Variants in EVI5 observed in about 807,000 individuals in gnomAD.
EVI5 encodes ecotropic viral integration site 5 protein homolog.
Under a neutral mutation model 112.0 loss-of-function variants are expected in EVI5, and 73 were observed. The ratio of observed to expected loss-of-function variants is 0.65; its 90% CI spans 0.54 to 0.79. EVI5 has a LOEUF of 0.79. Among genes scored for constraint, EVI5 ranks in the 30% least tolerant of loss-of-function variants. The pLI, the probability that EVI5 is intolerant of heterozygous loss-of-function variation, is 0.00. For missense variants in EVI5, 900 were observed against 968.8 expected, an observed-to-expected ratio of 0.93 and a Z score of 0.94; for synonymous variants, 305 against 319.9, an observed-to-expected ratio of 0.95 and a Z score of 0.50.
intron 10 of EVI5, among the ~76,000 whole-genome samples, chr1:92,675,012 A>G (rs180820065): frequency 2.8e-4 from 43 of 152,364 alleles, no homozygotes; most frequent in Middle Eastern, 6.8e-3. Flanking sequence ...CTTCAGGCAT[A>G]TGAACTATAT....
intron 2 of EVI5, among the ~76,000 whole-genome samples, chr1:92,726,705 T>C (rs1300464152): frequency 6.6e-6 from 1 of 152,146 alleles, no homozygotes; most frequent in African/African-American, 2.4e-5. Flanking sequence ...GATAATTGAC[T>C]GTTGAGTTAA....
At chr1:92,755,493 T>C (rs115826504) in intron 1 of EVI5, among the ~76,000 whole-genome samples, 2,899 of 152,278 alleles carry the variant, frequency 0.019, 109 homozygotes, top group African/African-American at 0.065. Flanking sequence ...TTTAAAGACA[T>C]TATTGCTGAA....
At chr1:92,623,319 T>A (rs1355875898) in intron 16 of EVI5, among the ~76,000 whole-genome samples, 1 of 152,210 alleles carries the variant, frequency 6.6e-6, no homozygotes, top group African/African-American at 2.4e-5. Context: ...TACATATTCA[T>A]GTTACCATGT....
chr1:92,640,262 T>C (rs1659681051), intron 13 of EVI5, among the ~76,000 whole-genome samples: 1 of 152,088 alleles, frequency 6.6e-6, no homozygotes, highest in South Asian at 2.1e-4. Flanking sequence ...AACTGACAAA[T>C]GGGATCTAAT....
intron 1 of EVI5, among the ~76,000 whole-genome samples, chr1:92,769,338 G>A (rs1424027132): frequency 6.6e-6 from 1 of 152,038 alleles, no homozygotes; most frequent in Non-Finnish European, 1.5e-5. Flanking sequence ...TGACATTTAG[G>A]TATATATGTA....
chr1:92,603,574 ATAAAT>A (rs563785089), intron 18 of EVI5, among the ~76,000 whole-genome samples: 296 of 152,210 alleles, frequency 1.9e-3, no homozygotes, highest in African/African-American at 7.0e-3. Flanking sequence ...TCTTTCAATA[ATAAAT>A]TAACTTACTG....
rs539824934 is a variant in EVI5, at chr1:92,648,955, C to T, written c.1393-12619G>A. Among the ~76,000 whole-genome samples, 10 of 152,270 alleles carry T rather than the reference C, an allele frequency of 6.6e-5. No homozygotes were observed. In the South Asian group the frequency reaches 2.1e-3, roughly 32 times the overall value. ...TTTTGAGGAACTGCCAAACTGTTTTCCACAGCAGCTTTATATTTTATTTTA... is the reference window on the plus strand; with the variant it reads ...TTTTGAGGAACTGCCAAACTGTTTTTCACAGCAGCTTTATATTTTATTTTA... On this transcript the variant is annotated intron_variant, in intron 13 of 19. Transcript: ENST00000684568.
intron 1 of EVI5, among the ~76,000 whole-genome samples, chr1:92,763,499 C>CA: frequency 6.6e-6 from 1 of 152,196 alleles, no homozygotes; most frequent in Middle Eastern, 3.4e-3. Context: ...CCTGTAGTCC[C>CA]AGCTACTTGG....
At chr1:92,585,604 A>C (rs1029685256) in intron 18 of EVI5, among the ~76,000 whole-genome samples, 1 of 152,214 alleles carries the variant, frequency 6.6e-6, no homozygotes, top group Non-Finnish European at 1.5e-5. Context: ...AATTTGATAT[A>C]ATTCCAATGG....
rs191406866 is a variant in EVI5, at chr1:92,534,204, C to T, written c.2167-20234G>A. On this transcript the variant is annotated intron_variant, in intron 19 of 19. Transcript: ENST00000684568. ...TAACTACTAGTAAGAGAGAAAAAAC[C>T]AGGGAATACAACTTACAAGGGATGT... is the stretch of plus-strand genomic sequence containing the variant. Among the ~76,000 whole-genome samples, 696 of 152,142 alleles carry T rather than the reference C, an allele frequency of 4.6e-3. 3 individuals are homozygous for T. Among genetic ancestry groups the T allele is most frequent in the Admixed American group, 6.3e-3 (96 of 15,276 alleles).
intron 1 of EVI5, among the ~76,000 whole-genome samples, chr1:92,779,513 G>A (rs546782234): frequency 2.4e-4 from 35 of 148,314 alleles, no homozygotes; most frequent in Admixed American, 7.4e-4. Flanking sequence ...CTGAGACTCC[G>A]TCTCAAAAAA....
At chr1:92,562,842 G>A (rs1005477780) in intron 19 of EVI5, among the ~76,000 whole-genome samples, 11 of 152,124 alleles carry the variant, frequency 7.2e-5, no homozygotes, top group African/African-American at 2.4e-4. Context: ...AATTCATCTA[G>A]TGGTCAAAAT....
chr1:92,567,882 T>C (rs539349098), intron 18 of EVI5, among the ~76,000 whole-genome samples: 1 of 152,166 alleles, frequency 6.6e-6, no homozygotes, highest in Non-Finnish European at 1.5e-5. Context: ...AGCCCATATT[T>C]AGGAAAAATA....
At chr1:92,525,612 T>C (rs1173737689) in intron 19 of EVI5, among the ~76,000 whole-genome samples, 1 of 152,160 alleles carries the variant, frequency 6.6e-6, no homozygotes. Context: ...ATCTTGATGT[T>C]TGTTGACTAG....
intron 2 of EVI5, among the ~76,000 whole-genome samples, chr1:92,705,984 A>G (rs1358469672): frequency 2.6e-5 from 4 of 152,210 alleles, no homozygotes; most frequent in African/African-American, 9.6e-5. Flanking sequence ...AAATAAAATC[A>G]TAAGTCCAAA....
intron 13 of EVI5, among the ~76,000 whole-genome samples, chr1:92,659,861 CA>C (rs1332919147): frequency 1.3e-5 from 2 of 151,376 alleles, no homozygotes; most frequent in African/African-American, 4.8e-5. Context: ...TGACTGAATA[CA>C]AAAAAATGGT....
intron 13 of EVI5, among the ~76,000 whole-genome samples, chr1:92,653,482 C>A (rs1292789449): frequency 6.6e-6 from 1 of 152,220 alleles, no homozygotes; most frequent in Admixed American, 6.5e-5. Context: ...AGTGTGATTT[C>A]ATCCCAGGGG....
Position 92,509,537 on chromosome 1 carries a change from G to T in EVI5, c.*4119C>A, listed in dbSNP as rs138177383. On this transcript the variant is annotated 3_prime_UTR_variant, in exon 20 of 20. Coordinates refer to ENST00000684568, the MANE Select transcript of EVI5 (RefSeq NM_001350197.2). ...AGACAGGGTCTTGCCATGTTGCCCAGGTTGGAGTGCAGTGGTTATTCTTTC... is the reference window on the plus strand; with the variant it reads ...AGACAGGGTCTTGCCATGTTGCCCATGTTGGAGTGCAGTGGTTATTCTTTC... The T allele has an allele frequency of 6.6e-6, 1 of 151,402 alleles. No individual in the cohort carries two copies. The highest frequency in any genetic ancestry group is 1.9e-4 in the East Asian group (1 of 5,146). 9.4% of individuals were successfully genotyped at this position (151,402 alleles called of 1,614,324 possible). A position where few individuals can be genotyped will look rare whatever the true frequency, so the allele number is the denominator to read the frequency against.
chr1:92,591,089 G>A (rs1433191274), intron 18 of EVI5, among the ~76,000 whole-genome samples: 5 of 152,174 alleles, frequency 3.3e-5, no homozygotes, highest in Non-Finnish European at 7.3e-5. Flanking sequence ...CACCAGGCCT[G>A]CCCTAAAAGA....
Sources: gnomAD v4.1 joint callset for allele counts (sites outside exome capture counted in the v4.1 genomes callset) on GRCh38, gnomAD v4.1.1 for gene constraint, MANE v1.5 for transcripts, NCBI Gene and HGNC (gene_info 2026-07-23, HGNC 2026-07-21) for gene names.